The following TRIP11 variants were observed in gnomAD, a reference collection of about 807,000 sequenced individuals.
The protein encoded by TRIP11 is thyroid hormone receptor interactor 11.
A neutral mutation model predicts 223.1 loss-of-function variants in TRIP11; 148 were observed. The ratio of observed to expected loss-of-function variants is 0.66; its 90% CI spans 0.58 to 0.76. The LOEUF (loss-of-function observed/expected upper bound fraction) is 0.76. TRIP11 is among the 30% of genes least tolerant of loss of function. The pLI is 0.00. For synonymous variants in TRIP11, 762 were observed against 772.6 expected, an observed-to-expected ratio of 0.99 and a Z score of 0.23; for missense variants, 2,043 against 2,222.0, an observed-to-expected ratio of 0.92 and a Z score of 1.62.
intron 3 of TRIP11, 42 bp from the exon 4 acceptor site, chr14:92,021,873 A>G: frequency 2.5e-6 from 4 of 1,598,750 alleles, no homozygotes; most frequent in Non-Finnish European, 3.4e-6. Context: ...GTACTTTAAA[A>G]CAATCATATT....
intron 1 of TRIP11, among the ~76,000 whole-genome samples, chr14:92,035,042 T>C (rs2057309010): frequency 6.7e-6 from 1 of 149,664 alleles, no homozygotes; most frequent in East Asian, 2.0e-4. Flanking sequence ...CGGTGGCTCA[T>C]GCCTGTAATC....
intron 16 of TRIP11, among the ~76,000 whole-genome samples, chr14:91,986,762 CAT>C (rs1364428431): frequency 6.6e-6 from 1 of 152,176 alleles, no homozygotes; most frequent in African/African-American, 2.4e-5. Flanking sequence ...CTCAGTTGCC[CAT>C]ATGTCTTCCA....
intron 16 of TRIP11, among the ~76,000 whole-genome samples, chr14:91,982,420 G>A (rs750105702): frequency 2.0e-5 from 3 of 151,980 alleles, no homozygotes; most frequent in South Asian, 2.1e-4. Flanking sequence ...GGGTACATAC[G>A]GACATAAAGA....
chr14:91,968,697 G>A lies in TRIP11; in HGVS notation c.*976C>T, dbSNP rs771106033. On this transcript the variant is annotated 3_prime_UTR_variant, in exon 21 of 21. Transcript: ENST00000267622. ...CAACAATAAAAAGGAACAAACTAGT[G>A]ATACATCCAAAGCCTTGGATGGATC... 8.8e-6 allele frequency: 2 copies of A among 227,788 alleles called. No individual in the cohort carries two copies. Among genetic ancestry groups the A allele is most frequent in the Non-Finnish European group, 1.8e-5 (2 of 114,036 alleles). 14.1% of individuals were successfully genotyped at this position (227,788 alleles called of 1,614,324 possible).
chr14:92,030,361 C>T (rs1012707828), intron 2 of TRIP11, among the ~76,000 whole-genome samples: 1 of 152,092 alleles, frequency 6.6e-6, no homozygotes. Flanking sequence ...TTTTGCTAAG[C>T]AGATACATGA....
chr14:92,032,623 A>G (rs1293380081), intron 2 of TRIP11, among the ~76,000 whole-genome samples: 3 of 151,884 alleles, frequency 2.0e-5, no homozygotes, highest in Non-Finnish European at 4.4e-5. Flanking sequence ...TCACGAGGTC[A>G]GGAGTTTGAG....
intron 4 of TRIP11, among the ~76,000 whole-genome samples, chr14:92,018,832 G>T (rs141613571): frequency 0.023 from 3,419 of 151,316 alleles, 138 homozygotes; most frequent in African/African-American, 0.078. Context: ...GTGGTGGCGG[G>T]TGCCCGTAGT....
chr14:91,972,826 T>C lies in TRIP11; in HGVS notation c.5610A>G (p.Thr1870=). ...GTGGTGGAATGGATGGATGAGATTCTGTTTCTAGAAATTTAACAAAAAGTT... is the reference window on the plus strand; with the variant it reads ...GTGGTGGAATGGATGGATGAGATTCCGTTTCTAGAAATTTAACAAAAAGTT... ...FSELFVKFLE[T]ESHPSIPPPK... The change falls in exon 20 of 21, where the codon ACA becomes ACG. Residue 1870 remains threonine (T), a synonymous_variant. Coordinates refer to ENST00000267622, the MANE Select transcript of TRIP11 (RefSeq NM_004239.4). 6 of 1,613,010 alleles carry C rather than the reference T, an allele frequency of 3.7e-6. No individual in the cohort carries two copies. Among genetic ancestry groups the C allele is most frequent in the Non-Finnish European group, 5.1e-6 (6 of 1,179,522 alleles).
chr14:92,007,563 T>C (rs1457821204), intron 10 of TRIP11, 77 bp downstream of exon 10: 55 of 1,490,338 alleles, frequency 3.7e-5, no homozygotes, highest in Non-Finnish European at 5.0e-5. Flanking sequence ...AAAATATTAA[T>C]TAAATCACAC....
chr14:91,987,749 A>G (rs1368654680), intron 16 of TRIP11, among the ~76,000 whole-genome samples: 2 of 152,174 alleles, frequency 1.3e-5, no homozygotes, highest in African/African-American at 4.8e-5. Flanking sequence ...TGAACCAATT[A>G]ATAATCCTAA....
chr14:92,020,587 G>T (rs1054104525), intron 4 of TRIP11, among the ~76,000 whole-genome samples: 1 of 151,816 alleles, frequency 6.6e-6, no homozygotes, highest in Admixed American at 6.6e-5. Context: ...TACACCAGAG[G>T]AGTCTCAGGG....
intron 16 of TRIP11, among the ~76,000 whole-genome samples, chr14:91,980,446 C>T (rs2056523406): frequency 6.6e-6 from 1 of 152,178 alleles, no homozygotes; most frequent in African/African-American, 2.4e-5. Context: ...AATCATGGTC[C>T]TATCACCAGG....
chr14:91,999,388 CTA>C lies in TRIP11; in HGVS notation c.4742_4743del (p.Leu1581ArgfsTer5). ...TCTAAAAGATGATTACGCAATCTCTCTAGCTCTTGGTTTGAACGAAATTCTTT... is the reference window on the plus strand; with the variant it reads ...TCTAAAAGATGATTACGCAATCTCTCGCTCTTGGTTTGAACGAAATTCTTT... Reference protein sequence around the residue: ...RDKEFRSNQELERLRNHLLES... With the variant: ...RDKEFRSNQEXERLRNHLLES... On this transcript the variant is annotated frameshift_variant, in exon 13 of 21. Transcript: ENST00000267622. LOFTEE classifies it high-confidence loss of function. 7.4e-6 allele frequency: 12 copies of C among 1,613,884 alleles called. No individual in the cohort carries two copies. Among genetic ancestry groups the C allele is most frequent in the Non-Finnish European group, 8.5e-7 (1 of 1,179,922 alleles).
chr14:91,986,050 C>T (rs1302504398), intron 16 of TRIP11, among the ~76,000 whole-genome samples: 1 of 152,186 alleles, frequency 6.6e-6, no homozygotes, highest in African/African-American at 2.4e-5. Flanking sequence ...CTTTACACCC[C>T]TTCCTGTTTG....
chr14:92,035,668 C>G (rs1203688318), intron 1 of TRIP11, among the ~76,000 whole-genome samples: 3 of 151,458 alleles, frequency 2.0e-5, no homozygotes, highest in Non-Finnish European at 4.4e-5. Context: ...ACCTCTGCCT[C>G]CTGGGTTCAA....
chr14:91,991,834 G>A (rs1481337663), intron 15 of TRIP11, among the ~76,000 whole-genome samples: 1 of 151,900 alleles, frequency 6.6e-6, no homozygotes, highest in Non-Finnish European at 1.5e-5. Flanking sequence ...TGTAATCCCA[G>A]CACTTTGGGA....
intron 1 of TRIP11, among the ~76,000 whole-genome samples, chr14:92,036,405 C>A (rs542929251): frequency 6.6e-6 from 1 of 152,174 alleles, no homozygotes; most frequent in African/African-American, 2.4e-5. Flanking sequence ...ATCCTCTCAA[C>A]CTCACAATAG....
intron 11 of TRIP11, 28 bp from the exon 12 acceptor site, chr14:92,000,136 A>G (rs935218204): frequency 1.9e-6 from 3 of 1,612,660 alleles, no homozygotes; most frequent in African/African-American, 1.3e-5. Flanking sequence ...TTTTAGCTTT[A>G]AAAAACACAC....
chr14:92,003,113 A>C (rs1430809516), intron 11 of TRIP11, among the ~76,000 whole-genome samples: 1 of 152,204 alleles, frequency 6.6e-6, no homozygotes, highest in Non-Finnish European at 1.5e-5. Context: ...AATTTGATTA[A>C]ATTGAAGTAA....
Sources: gnomAD v4.1 joint callset for allele counts (sites outside exome capture counted in the v4.1 genomes callset) on GRCh38, gnomAD v4.1.1 for gene constraint, MANE v1.5 for transcripts, NCBI Gene and HGNC (gene_info 2026-07-23, HGNC 2026-07-21) for gene names.